The following MYLK variants were observed in gnomAD, a reference collection of about 807,000 sequenced individuals.
MYLK encodes myosin light chain kinase.
In MYLK, 106 loss-of-function variants were observed where a neutral mutation model predicts 203.4. The observed-to-expected ratio is 0.52, with a 90% CI of 0.45 to 0.61. The LOEUF (loss-of-function observed/expected upper bound fraction) is 0.61. MYLK is among the 20% of genes least tolerant of loss of function. The probability of loss-of-function intolerance (pLI) is 0.00; values close to 1 mark genes in which losing one functional copy is unlikely to be tolerated. For missense variants in MYLK, 2,072 were observed against 2,442.3 expected (o/e 0.85, Z 3.20); for synonymous variants, 867 against 959.5 (o/e 0.90, Z 1.78).
At chr3:123,735,806 T>A (rs993327560) in intron 8 of MYLK, 1 of 188,734 alleles carries the variant, frequency 5.3e-6, no homozygotes, top group African/African-American at 2.3e-5. Context: ...AGAAAAAACA[T>A]AAAATACATA....
At chr3:123,765,569 AGG>A (rs2063678333) in intron 4 of MYLK, among the ~76,000 whole-genome samples, 1 of 152,056 alleles carries the variant, frequency 6.6e-6, no homozygotes, top group Non-Finnish European at 1.5e-5. Flanking sequence ...AAAAGAAAAA[AGG>A]AATTTGTACA....
At chr3:123,802,738 TGA>T (rs1341857376) in intron 3 of MYLK, among the ~76,000 whole-genome samples, 1 of 152,146 alleles carries the variant, frequency 6.6e-6, no homozygotes. Context: ...GGGAACAGGC[TGA>T]GAGAAGTTTT....
intron 4 of MYLK, among the ~76,000 whole-genome samples, chr3:123,771,481 T>A (rs557518511): frequency 2.6e-5 from 4 of 152,224 alleles, no homozygotes; most frequent in Admixed American, 2.6e-4. Context: ...TTTCTCTTTG[T>A]AATACAATCA....
chr3:123,700,513 C>A lies in MYLK; in HGVS notation c.2955G>T (p.Leu985=), dbSNP rs746278099. 2 of 1,613,198 alleles carry A rather than the reference C, an allele frequency of 1.2e-6. No homozygotes were observed. The highest frequency in any genetic ancestry group is 2.2e-5 in the East Asian group (1 of 44,820). Residue 985 remains leucine, a synonymous_variant, in exon 18 of 34, where the codon CTG becomes CTT. Coordinates refer to ENST00000360304, the MANE Select transcript of MYLK (RefSeq NM_053025.4). The part of the protein sequence containing the change: ...KPATPDFRSV[L]GGKKKLPAEN... Reference sequence around the variant, plus strand: ...CTGCTGGTAATTTCTTCTTGCCACCCAGCACTGAGCGAAAATCCGGGGTGG... The same window carrying A: ...CTGCTGGTAATTTCTTCTTGCCACCAAGCACTGAGCGAAAATCCGGGGTGG...
intron 2 of MYLK, among the ~76,000 whole-genome samples, chr3:123,845,258 C>T (rs1399639327): frequency 6.6e-6 from 1 of 152,084 alleles, no homozygotes; most frequent in Non-Finnish European, 1.5e-5. Flanking sequence ...AGGTGAGTAC[C>T]AAATGACCCA....
intron 3 of MYLK, among the ~76,000 whole-genome samples, chr3:123,805,451 G>A (rs996374265): frequency 2.0e-5 from 3 of 152,164 alleles, no homozygotes; most frequent in Non-Finnish European, 4.4e-5. Context: ...AGGAGGGAAG[G>A]TGCTAAATCT....
In MYLK at chr3:123,720,842, T is replaced by G. The variant is rs562348732; in HGVS notation, c.1804+1286A>C. On this transcript the variant is annotated intron_variant, in intron 13 of 33. Coordinates refer to ENST00000360304, the MANE Select transcript of MYLK (RefSeq NM_053025.4). ...CCATCAGTGCCAGTTCCTTCATCCC[T>G]AAGGGACTGACACTGCCCAGCCCAC... Among the ~76,000 whole-genome samples the G allele has an allele frequency of 2.6e-5, 4 of 152,248 alleles. No individual in the cohort carries two copies. In the South Asian group the frequency reaches 8.3e-4, roughly 32 times the overall value.
At chr3:123,683,545 G>A (rs755079142) in intron 19 of MYLK, among the ~76,000 whole-genome samples, 10 of 152,138 alleles carry the variant, frequency 6.6e-5, no homozygotes, top group Non-Finnish European at 1.0e-4. Flanking sequence ...TAGGCCCCTC[G>A]CCTTCTCCAG....
At chr3:123,819,676 T>C (rs1171655898) in intron 3 of MYLK, among the ~76,000 whole-genome samples, 2 of 152,236 alleles carry the variant, frequency 1.3e-5, no homozygotes, top group African/African-American at 4.8e-5. Flanking sequence ...TAGCTGACTT[T>C]TTAAAATTTT....
chr3:123,701,378 GC>G, intron 17 of MYLK, 59 bp downstream of exon 17: 1 of 1,553,316 alleles, frequency 6.4e-7, no homozygotes, highest in Non-Finnish European at 8.9e-7. Context: ...AGCTGCCGGG[GC>G]CAGGAGGAAG....
chr3:123,694,168 G>A (rs531091189), intron 18 of MYLK, among the ~76,000 whole-genome samples: 2 of 152,168 alleles, frequency 1.3e-5, no homozygotes, highest in South Asian at 4.1e-4. Context: ...TGCCACCAGG[G>A]TACTGTTTTA....
chr3:123,709,466 A>C (rs2061606132), intron 14 of MYLK: 1 of 406,486 alleles, frequency 2.5e-6, no homozygotes, highest in Non-Finnish European at 4.6e-6. Flanking sequence ...ACCAGTCTTC[A>C]AAACCTTCCA....
intron 13 of MYLK, among the ~76,000 whole-genome samples, chr3:123,712,881 A>C (rs1297619193): frequency 6.6e-6 from 1 of 152,234 alleles, no homozygotes; most frequent in African/African-American, 2.4e-5. Context: ...TAGCATGAGA[A>C]CTGACTCACA....
intron 4 of MYLK, among the ~76,000 whole-genome samples, chr3:123,754,130 G>T (rs1261375564): frequency 1.3e-5 from 2 of 152,238 alleles, no homozygotes; most frequent in Non-Finnish European, 2.9e-5. Context: ...ACTGTGCTCA[G>T]TTTTCTTCCC....
Position 123,679,316 on chromosome 3 carries a change from A to C in MYLK, c.3652+2908T>G, listed in dbSNP as rs905182940. ...GCGAGACTCTGTCTCAAAAAAAAAA[A>C]AAAAAACAAAACAAGACATCTCCTT... On this transcript the variant is annotated intron_variant, in intron 20 of 33. Coordinates refer to ENST00000360304, the MANE Select transcript of MYLK (RefSeq NM_053025.4). Among the ~76,000 whole-genome samples the C allele has an allele frequency of 7.2e-5, 11 of 151,898 alleles. No individual in the cohort carries two copies. The South Asian group carries it at 1.0e-3, about 14-fold the overall frequency.
intron 13 of MYLK, among the ~76,000 whole-genome samples, chr3:123,720,865 C>T: frequency 6.6e-6 from 1 of 152,192 alleles, no homozygotes; most frequent in East Asian, 1.9e-4. Flanking sequence ...CTGCCCAGCC[C>T]ACAGTGGCCA....
chr3:123,818,222 C>T (rs1030448578), intron 3 of MYLK, among the ~76,000 whole-genome samples: 1 of 152,194 alleles, frequency 6.6e-6, no homozygotes, highest in East Asian at 1.9e-4. Flanking sequence ...GTGAACTCTC[C>T]TCTTCTATAA....
chr3:123,798,903 G>A (rs941488803), intron 3 of MYLK, among the ~76,000 whole-genome samples: 3 of 152,114 alleles, frequency 2.0e-5, no homozygotes, highest in Admixed American at 6.5e-5. Flanking sequence ...TAATAATAAA[G>A]TAAATTAGAC....
intron 2 of MYLK, among the ~76,000 whole-genome samples, chr3:123,850,393 T>C (rs1319661442): frequency 2.0e-5 from 3 of 152,240 alleles, no homozygotes; most frequent in Non-Finnish European, 4.4e-5. Flanking sequence ...CTCCACATCC[T>C]CTCTAGCACC....
Sources: allele counts gnomAD v4.1 joint callset (sites outside exome capture counted in the v4.1 genomes callset), GRCh38; gene constraint gnomAD v4.1.1; transcripts MANE v1.5; gene names NCBI Gene and HGNC (gene_info 2026-07-23, HGNC 2026-07-21).